RGS7: variants seen among roughly 807,000 people sequenced by gnomAD.
RGS7 encodes the protein regulator of G protein signaling 7.
RGS7 carries 27 observed loss-of-function variants against 81.1 expected under a neutral mutation model. That is an observed-to-expected ratio of 0.33 (90% confidence interval 0.25 to 0.46). The LOEUF (loss-of-function observed/expected upper bound fraction) is 0.46. Ranked by LOEUF, RGS7 falls within the 20% of genes least tolerant of loss-of-function variation. The pLI is 1.00. For missense variants in RGS7, 396 were observed against 607.4 expected (o/e 0.65, Z 3.66); for synonymous variants, 208 against 207.7 (o/e 1.00, Z -0.01).
chr1:240,977,844 C>T lies in RGS7; in HGVS notation c.226+5235G>A, dbSNP rs544898753. On this transcript the variant is annotated intron_variant, in intron 4 of 18. Coordinates refer to ENST00000440928, the MANE Select transcript of RGS7 (RefSeq NM_001364886.1). ...CTAATCAAACCACTGCAAATATGGACAGCTTCTCTCCCCGCAGTGGAGGGC... is the reference window on the plus strand; with the variant it reads ...CTAATCAAACCACTGCAAATATGGATAGCTTCTCTCCCCGCAGTGGAGGGC... 2.0e-4 allele frequency among the ~76,000 whole-genome samples: 31 copies of T among 152,332 alleles called. 1 individual carries two copies. The highest frequency in any genetic ancestry group is 1.7e-3 in the South Asian group (8 of 4,830).
intron 6 of RGS7, among the ~76,000 whole-genome samples, chr1:240,925,843 A>G (rs1327693699): frequency 4.6e-5 from 7 of 152,174 alleles, no homozygotes; most frequent in African/African-American, 1.7e-4. Context: ...ATCGTATATC[A>G]TTGTGGCTTT....
chr1:241,260,987 G>A (rs1187091207), intron 2 of RGS7, among the ~76,000 whole-genome samples: 4 of 151,546 alleles, frequency 2.6e-5, no homozygotes, highest in Non-Finnish European at 4.4e-5. Flanking sequence ...ACGAGTTAGT[G>A]GGTGCAGCAC....
intron 2 of RGS7, 43 bp from the exon 3 acceptor site, chr1:241,098,805 T>A: frequency 6.9e-7 from 1 of 1,453,744 alleles, no homozygotes; most frequent in Non-Finnish European, 9.6e-7. Context: ...AAAGTTGAAC[T>A]TTTTTGAAAA....
chr1:241,329,448 G>A (rs1486166058), intron 2 of RGS7, among the ~76,000 whole-genome samples: 1 of 152,032 alleles, frequency 6.6e-6, no homozygotes, highest in African/African-American at 2.4e-5. Context: ...ATACTGCCTG[G>A]GAGTCTTCAG....
intron 2 of RGS7, among the ~76,000 whole-genome samples, chr1:241,161,394 G>A (rs1439652557): frequency 6.6e-6 from 1 of 151,498 alleles, no homozygotes; most frequent in Non-Finnish European, 1.5e-5. Context: ...CACAGTCCAT[G>A]ACACATTAAT....
intron 3 of RGS7, among the ~76,000 whole-genome samples, chr1:241,022,562 C>T (rs1356250560): frequency 6.6e-6 from 1 of 152,080 alleles, no homozygotes; most frequent in Admixed American, 6.5e-5. Flanking sequence ...TCTTATGGCC[C>T]CCATCCAGGA....
At chr1:241,212,332 G>A (rs2074289276) in intron 2 of RGS7, among the ~76,000 whole-genome samples, 1 of 152,120 alleles carries the variant, frequency 6.6e-6, no homozygotes, top group African/African-American at 2.4e-5. Context: ...CCAGGAACAG[G>A]GTCGACTTCG....
chr1:241,198,091 A>G (rs2073219210), intron 2 of RGS7, among the ~76,000 whole-genome samples: 1 of 152,038 alleles, frequency 6.6e-6, no homozygotes. Flanking sequence ...CTTGGAACAT[A>G]GACTATTTTT....
intron 6 of RGS7, chr1:240,919,707 G>A (rs1292095374): frequency 3.3e-6 from 2 of 603,394 alleles, no homozygotes; most frequent in Non-Finnish European, 6.0e-6. Context: ...CTCTTCATTG[G>A]AGGGCTGAGC....
At chr1:241,003,292 T>A (rs1009351042) in intron 3 of RGS7, among the ~76,000 whole-genome samples, 3 of 151,448 alleles carry the variant, frequency 2.0e-5, no homozygotes, top group Non-Finnish European at 4.4e-5. Flanking sequence ...AAACCCTGTC[T>A]CTACTAAAAA....
chr1:241,174,893 T>C (rs2070993483), intron 2 of RGS7, among the ~76,000 whole-genome samples: 4 of 134,990 alleles, frequency 3.0e-5, no homozygotes. Context: ...TCACAGAATT[T>C]TGTTTTTTTT....
At chr1:240,952,442 T>A (rs1449038652) in intron 4 of RGS7, among the ~76,000 whole-genome samples, 1 of 152,004 alleles carries the variant, frequency 6.6e-6, no homozygotes, top group Non-Finnish European at 1.5e-5. Context: ...TGGAGTTAGA[T>A]TAATTAAAAT....
rs761981462 is a variant in RGS7 at position 240,868,146 on chromosome 1, GAA to G, written c.609+439_609+440del. ...AGAAAGAAAGAAAGAAAGAAAGAAA[GAA>G]AGAAAGAAAGGACGGAGGGAGGGAA... is the stretch of plus-strand genomic sequence containing the variant. On this transcript the variant is annotated intron_variant, in intron 9 of 18. Transcript: ENST00000440928. This position sits in a 1 kb window ranked among gnomAD's most constrained non-coding sequence, Gnocchi z 5.1. Among the ~76,000 whole-genome samples, 1 of 131,814 alleles carries G rather than the reference GAA, an allele frequency of 7.6e-6. No individual in the cohort carries two copies. Among genetic ancestry groups the G allele is most frequent in the African/African-American group, 3.7e-5 (1 of 26,962 alleles). 86.5% of individuals were successfully genotyped at this position (131,814 alleles called of 152,430 possible). A position where few individuals can be genotyped will look rare whatever the true frequency, so the allele number is the denominator to read the frequency against.
chr1:241,013,794 C>G (rs2059093104), intron 3 of RGS7, among the ~76,000 whole-genome samples: 1 of 152,228 alleles, frequency 6.6e-6, no homozygotes, highest in Non-Finnish European at 1.5e-5. Context: ...CATTACCTAT[C>G]TCCATTGTCT....
intron 2 of RGS7, among the ~76,000 whole-genome samples, chr1:241,350,432 C>T (rs1209490991): frequency 6.6e-6 from 1 of 152,146 alleles, no homozygotes; most frequent in East Asian, 1.9e-4. Flanking sequence ...CAGTGCCTGC[C>T]TCCCATCTGA....
intron 2 of RGS7, among the ~76,000 whole-genome samples, chr1:241,113,068 A>G (rs2065643875): frequency 1.3e-5 from 2 of 152,164 alleles, no homozygotes. Flanking sequence ...AATTCATACA[A>G]AATCCCAAGG....
chr1:241,099,947 A>G (rs1558718187), intron 2 of RGS7, among the ~76,000 whole-genome samples: 1 of 152,206 alleles, frequency 6.6e-6, no homozygotes, highest in East Asian at 1.9e-4. Context: ...GTTATGTAAG[A>G]TATTAACATT....
At chr1:240,931,245 C>T (rs2148346835) in intron 5 of RGS7, among the ~76,000 whole-genome samples, 1 of 152,252 alleles carries the variant, frequency 6.6e-6, no homozygotes, top group East Asian at 1.9e-4. Context: ...CAATGATTTG[C>T]CTGGCTCCAT....
Position 241,216,785 on chromosome 1 carries a change from T to C in RGS7, c.79-118023A>G, listed in dbSNP as rs557252234. ...AGATAAAGTTTTCTTTTCACTGAGGTAGACAGTAGAATATAAACTTGGAAC... is the reference window on the plus strand; with the variant it reads ...AGATAAAGTTTTCTTTTCACTGAGGCAGACAGTAGAATATAAACTTGGAAC... On this transcript the variant is annotated intron_variant, in intron 2 of 18. Transcript: ENST00000440928. Among the ~76,000 whole-genome samples, 4 of 152,288 alleles carry C rather than the reference T, an allele frequency of 2.6e-5. No individual in the cohort carries two copies. The East Asian group carries it at 7.7e-4, about 29-fold the overall frequency.
Sources: gnomAD v4.1 joint callset for allele counts (sites outside exome capture counted in the v4.1 genomes callset) on GRCh38, gnomAD v4.1.1 for gene constraint, Gnocchi (gnomAD v3.1) non-coding constraint, MANE v1.5 for transcripts, NCBI Gene and HGNC (gene_info 2026-07-23, HGNC 2026-07-21) for gene names.